The following NAV2 variants were observed in gnomAD, a reference collection of about 807,000 sequenced individuals.
The protein encoded by NAV2 is neuron navigator 2, also known as helicase, APC down-regulated 1.
NAV2 carries 54 observed loss-of-function variants against 223.2 expected under a neutral mutation model. That is an observed-to-expected ratio of 0.24 (90% CI 0.19 to 0.30). NAV2 has a LOEUF of 0.30. Ranked by LOEUF, NAV2 falls within the 10% of genes least tolerant of loss-of-function variation. The probability of loss-of-function intolerance (pLI) is 1.00; values close to 1 mark genes in which losing one functional copy is unlikely to be tolerated. For synonymous variants in NAV2, 1,279 were observed against 1,239.3 expected, an observed-to-expected ratio of 1.03 and a Z score of -0.67; for missense variants, 2,806 against 3,147.5, an observed-to-expected ratio of 0.89 and a Z score of 2.60.
intron 1 of NAV2, among the ~76,000 whole-genome samples, chr11:19,470,864 A>G (rs774007323): frequency 6.6e-6 from 1 of 152,076 alleles, no homozygotes; most frequent in Non-Finnish European, 1.5e-5. Flanking sequence ...GGGGATAACC[A>G]CTCAATCTCC....
In NAV2 at chr11:19,934,309, G is replaced by T; in HGVS notation, c.2033+32G>T. The T allele has an allele frequency of 6.5e-7, 1 of 1,526,948 alleles. No individual in the cohort carries two copies. The allele number at this position is 1,526,948 out of a possible 1,614,324, so 94.6% of individuals were successfully genotyped here. On this transcript the variant is annotated intron_variant, in intron 7 of 37. Transcript: ENST00000349880. The stretch of plus-strand genomic sequence containing the variant: ...GCTGCCACCCACCTGTGCTGCCTGG[G>T]ACATTGGGTAAAAGTTCCTTTATAG...
intron 26 of NAV2, among the ~76,000 whole-genome samples, chr11:20,085,624 G>GC (rs752171359): frequency 1.3e-5 from 2 of 152,204 alleles, no homozygotes; most frequent in Non-Finnish European, 2.9e-5. Context: ...ACGCTCAGCA[G>GC]CTTTACATAT....
At chr11:20,054,500 C>T (rs1372720151) in intron 18 of NAV2, among the ~76,000 whole-genome samples, 1 of 151,936 alleles carries the variant, frequency 6.6e-6, no homozygotes, top group Non-Finnish European at 1.5e-5. Flanking sequence ...AGGGGATTGA[C>T]AGAAAAATAA....
chr11:19,999,651 G>A (rs139806004), intron 11 of NAV2, among the ~76,000 whole-genome samples: 1,885 of 152,284 alleles, frequency 0.012, 41 homozygotes, highest in African/African-American at 0.043. Context: ...GATTACAGGC[G>A]TGAGTCACCG....
At chr11:20,042,433 T>A (rs1211854566) in intron 12 of NAV2, among the ~76,000 whole-genome samples, 1 of 152,166 alleles carries the variant, frequency 6.6e-6, no homozygotes, top group Non-Finnish European at 1.5e-5. Context: ...CACAGCTGAA[T>A]GATGAGCTTC....
chr11:19,591,273 T>A (rs1327140585), intron 1 of NAV2: 1 of 152,188 alleles, frequency 6.6e-6, no homozygotes, highest in Non-Finnish European at 1.5e-5. Context: ...CAGTGCCTAT[T>A]CTCTTTGAGA....
chr11:20,084,887 G>A (rs1484488459), intron 26 of NAV2, among the ~76,000 whole-genome samples: 3 of 152,088 alleles, frequency 2.0e-5, no homozygotes, highest in African/African-American at 7.2e-5. Flanking sequence ...GCTCTGAAGA[G>A]ACCAAAAAGG....
chr11:20,028,857 GTGAGT>G (rs1027809102), intron 11 of NAV2, among the ~76,000 whole-genome samples: 5 of 152,180 alleles, frequency 3.3e-5, no homozygotes, highest in African/African-American at 1.2e-4. Context: ...ACACTCTATT[GTGAGT>G]TGAGTTGTAA....
chr11:19,426,841 T>C (rs959138672), intron 1 of NAV2, among the ~76,000 whole-genome samples: 18 of 152,212 alleles, frequency 1.2e-4, no homozygotes, highest in Admixed American at 6.5e-4. Flanking sequence ...TAATGATTTA[T>C]GCAGTGTGAA....
Position 19,977,718 on chromosome 11 carries a change from AT to A in NAV2, c.2646-6402del, listed in dbSNP as rs2049891329. Reference sequence around the variant, plus strand: ...TTAAGCCCTTTTTTTTTCCAGTCATATTTTTGCATTTCAGAGCATTCTCTTC... The same window carrying A: ...TTAAGCCCTTTTTTTTTCCAGTCATATTTTGCATTTCAGAGCATTCTCTTC... On this transcript the variant is annotated intron_variant, in intron 10 of 37. Transcript: ENST00000349880. Among the ~76,000 whole-genome samples the A allele has an allele frequency of 7.8e-5, 11 of 141,602 alleles. No homozygotes were observed. In the South Asian group the frequency reaches 2.5e-3, roughly 32 times the overall value. 92.9% of individuals were successfully genotyped at this position (141,602 alleles called of 152,430 possible). A position where few individuals can be genotyped will look rare whatever the true frequency, so the allele number is the denominator to read the frequency against.
In NAV2 at chr11:20,068,361, A is replaced by G. The variant is rs755140737; in HGVS notation, c.4946A>G (p.Glu1649Gly). Residue 1649 changes from glutamate to glycine, a missense_variant, in exon 22 of 38, where the codon GAG becomes GGG. By Grantham distance (98) the Glu-to-Gly change is moderately conservative. Around this residue, in one of 4 missense-constraint regions of NAV2, gnomAD observed 824 missense variants for 1,069.4 expected, o/e 0.77. Transcript: ENST00000349880. ...CGGCGGGAACTGGATGCCTCCCAGG[A>G]GAAAGTTTCAGCTTTGACCACCCAG... Reference protein sequence around the residue: ...KLRRELDASQEKVSALTTQLT... With the variant: ...KLRRELDASQGKVSALTTQLT... 5.0e-6 allele frequency: 8 copies of G among 1,614,204 alleles called. No homozygotes were observed. The highest frequency in any genetic ancestry group is 6.8e-6 in the Non-Finnish European group (8 of 1,180,030).
chr11:19,798,198 T>C (rs2058041790), intron 1 of NAV2, among the ~76,000 whole-genome samples: 1 of 152,210 alleles, frequency 6.6e-6, no homozygotes, highest in Non-Finnish European at 1.5e-5. Flanking sequence ...AGATGCAGTG[T>C]ACCTACTCAG....
intron 1 of NAV2, among the ~76,000 whole-genome samples, chr11:19,422,327 G>A (rs1247928817): frequency 6.6e-6 from 1 of 152,182 alleles, no homozygotes; most frequent in Non-Finnish European, 1.5e-5. Context: ...GAGAACCAGT[G>A]CTTTTAAGAG....
In NAV2 at chr11:20,045,530, C is replaced by T; in HGVS notation, c.3762C>T (p.Gly1254=). 6.2e-7 allele frequency: 1 copy of T among 1,614,144 alleles called. No homozygotes were observed. The highest frequency in any genetic ancestry group is 1.3e-5 in the African/African-American group (1 of 75,038). The stretch of plus-strand genomic sequence containing the variant: ...TCAACCAAACAGACAAGGAGAAAGG[C>T]ATCTCATCAGACAACGAGAGTGTGG... The part of the protein sequence containing the change: ...GLVNQTDKEK[G]ISSDNESVAS... Residue 1254 remains glycine, a synonymous_variant, in exon 14 of 38, where the codon GGC becomes GGT. Coordinates refer to ENST00000349880, the MANE Select transcript of NAV2 (RefSeq NM_145117.5).
At chr11:19,987,759 C>T (rs930026506) in intron 11 of NAV2, among the ~76,000 whole-genome samples, 4 of 152,214 alleles carry the variant, frequency 2.6e-5, no homozygotes, top group Non-Finnish European at 5.9e-5. Context: ...TCTCTTGTCA[C>T]TCTTTAGGGT....
intron 17 of NAV2, among the ~76,000 whole-genome samples, chr11:20,052,172 C>T (rs760018983): frequency 3.9e-5 from 6 of 152,112 alleles, no homozygotes; most frequent in African/African-American, 1.4e-4. Flanking sequence ...TAAGTGCTTT[C>T]GCATAAAATG....
At chr11:19,952,071 C>T (rs764691844) in intron 10 of NAV2, among the ~76,000 whole-genome samples, 6 of 152,144 alleles carry the variant, frequency 3.9e-5, no homozygotes, top group Non-Finnish European at 7.3e-5. Context: ...GCTTTGAGGC[C>T]AAGTTACCAG....
At chr11:19,694,724 T>A (rs1199569780) in intron 1 of NAV2, among the ~76,000 whole-genome samples, 1 of 152,156 alleles carries the variant, frequency 6.6e-6, no homozygotes, top group African/African-American at 2.4e-5. Context: ...AGAGCCAGCT[T>A]GGTTCATGCA....
In NAV2 at chr11:19,476,052, G is replaced by C. The variant is rs7105352; in HGVS notation, c.75+125025G>C. ...TGCAGCGGCGGGATCTTGGCTCACT[G>C]TAACCTCCGCCTCCTGGGTTCAAGC... On this transcript the variant is annotated intron_variant, in intron 1 of 37. Coordinates refer to the NAV2 transcript ENST00000360655. Among the ~76,000 whole-genome samples, 4 of 152,102 alleles carry C rather than the reference G, an allele frequency of 2.6e-5. No individual in the cohort carries two copies. The East Asian group carries it at 5.8e-4, about 22-fold the overall frequency.
Sources: gnomAD v4.1 joint callset for allele counts (sites outside exome capture counted in the v4.1 genomes callset) on GRCh38, gnomAD v4.1.1 for gene constraint, gnomAD v4.1.1 regional missense constraint, MANE v1.5 for transcripts, NCBI Gene and HGNC (gene_info 2026-07-23, HGNC 2026-07-21) for gene names.